EEFSEC: variants seen among roughly 807,000 people sequenced by gnomAD.
EEFSEC encodes eukaryotic elongation factor, selenocysteine-tRNA specific, also known as selenocysteine-specific elongation factor.
A neutral mutation model predicts 42.1 loss-of-function variants in EEFSEC; 43 were observed. The observed-to-expected ratio is 1.02, with a 90% CI of 0.80 to 1.32. EEFSEC has a LOEUF of 1.32. Ranked by LOEUF, EEFSEC falls within the 40% of genes most tolerant of loss-of-function variation. The probability of loss-of-function intolerance (pLI) is 0.00; values close to 1 mark genes in which losing one functional copy is unlikely to be tolerated. For synonymous variants in EEFSEC, 354 were observed against 339.1 expected (o/e 1.04, Z -0.48); for missense variants, 745 against 803.6 (o/e 0.93, Z 0.88).
At chr3:128,262,427 T>G (rs1253866858) in intron 3 of EEFSEC, among the ~76,000 whole-genome samples, 1 of 152,114 alleles carries the variant, frequency 6.6e-6, no homozygotes, top group African/African-American at 2.4e-5. Context: ...ACTCCTAAGG[T>G]TCACTGAAGC....
chr3:128,235,160 G>A (rs551024921), intron 1 of EEFSEC, among the ~76,000 whole-genome samples: 1 of 152,046 alleles, frequency 6.6e-6, no homozygotes, highest in South Asian at 2.1e-4. Context: ...TGCCTCCTTG[G>A]TTCAAGTGAT....
chr3:128,287,560 A>T (rs2066599346), intron 4 of EEFSEC, among the ~76,000 whole-genome samples: 1 of 152,230 alleles, frequency 6.6e-6, no homozygotes, highest in African/African-American at 2.4e-5. Flanking sequence ...TGAGGTGGTG[A>T]TGTGATGAGC....
intron 4 of EEFSEC, among the ~76,000 whole-genome samples, chr3:128,310,104 A>G (rs1037083389): frequency 4.6e-5 from 7 of 152,238 alleles, no homozygotes; most frequent in African/African-American, 1.7e-4. Flanking sequence ...TCAGGGAGAA[A>G]AGCAGGTGTC....
intron 1 of EEFSEC, among the ~76,000 whole-genome samples, chr3:128,232,087 C>G (rs552987578): frequency 5.3e-5 from 8 of 152,240 alleles, no homozygotes; most frequent in African/African-American, 1.9e-4. Flanking sequence ...CTCAAGGTGT[C>G]TGCCAAAATC....
At chr3:128,332,803 G>A (rs1014295311) in intron 4 of EEFSEC, among the ~76,000 whole-genome samples, 1 of 152,186 alleles carries the variant, frequency 6.6e-6, no homozygotes, top group Non-Finnish European at 1.5e-5. Context: ...CCCTAGGTTT[G>A]ACTTGTTGTG....
Position 128,396,657 on chromosome 3 carries a change from C to A in EEFSEC, c.1601-11412C>A, listed in dbSNP as rs540909545. Reference sequence around the variant, plus strand: ...GCTGTGAAGGGTTTGAGCTCAGGCCCACCACGTTCTTGCTGTGTTACCTTG... The same window carrying A: ...GCTGTGAAGGGTTTGAGCTCAGGCCAACCACGTTCTTGCTGTGTTACCTTG... On this transcript the variant is annotated intron_variant, in intron 6 of 6. Transcript: ENST00000254730. Among the ~76,000 whole-genome samples, 4 of 152,244 alleles carry A rather than the reference C, an allele frequency of 2.6e-5. No homozygotes were observed. The South Asian group carries it at 8.3e-4, about 32-fold the overall frequency.
At chr3:128,298,250 C>G (rs1246278510) in intron 4 of EEFSEC, among the ~76,000 whole-genome samples, 1 of 152,164 alleles carries the variant, frequency 6.6e-6, no homozygotes, top group Non-Finnish European at 1.5e-5. Context: ...CCAGCTCAAG[C>G]GATCTTCCTA....
intron 2 of EEFSEC, among the ~76,000 whole-genome samples, chr3:128,260,665 G>A (rs1177259557): frequency 6.6e-6 from 1 of 152,176 alleles, no homozygotes; most frequent in Non-Finnish European, 1.5e-5. Flanking sequence ...GCATGCTACT[G>A]GTTTTCACCA....
chr3:128,253,222 C>T (rs886418309), intron 2 of EEFSEC, among the ~76,000 whole-genome samples: 2 of 152,216 alleles, frequency 1.3e-5, no homozygotes, highest in Admixed American at 6.5e-5. Context: ...TGGAATTCCC[C>T]ATGCACGTTC....
intron 1 of EEFSEC, among the ~76,000 whole-genome samples, chr3:128,155,687 T>G (rs1474025844): frequency 1.3e-5 from 2 of 152,210 alleles, no homozygotes; most frequent in African/African-American, 4.8e-5. Context: ...GATAATTGGC[T>G]TGGTGGCAGA....
At chr3:128,185,005 A>G (rs927032705) in intron 1 of EEFSEC, among the ~76,000 whole-genome samples, 19 of 152,174 alleles carry the variant, frequency 1.2e-4, no homozygotes, top group African/African-American at 4.1e-4. Context: ...ACTGCACTCC[A>G]GCTTGGGTAA....
chr3:128,335,749 C>A (rs1240125417), intron 4 of EEFSEC, among the ~76,000 whole-genome samples: 2 of 152,016 alleles, frequency 1.3e-5, no homozygotes, highest in Non-Finnish European at 2.9e-5. Flanking sequence ...GGGGAGGGGG[C>A]AACAATCCAA....
chr3:128,185,142 T>C (rs1441897552), intron 1 of EEFSEC, among the ~76,000 whole-genome samples: 2 of 152,200 alleles, frequency 1.3e-5, no homozygotes, highest in East Asian at 1.9e-4. Flanking sequence ...CAAAACCCCA[T>C]CTGAACTGAC....
At chr3:128,158,395 A>G (rs1944415963) in intron 1 of EEFSEC, among the ~76,000 whole-genome samples, 1 of 152,258 alleles carries the variant, frequency 6.6e-6, no homozygotes, top group Non-Finnish European at 1.5e-5. Flanking sequence ...GTAAAATGCC[A>G]TCAAACAGCT....
chr3:128,383,413 C>T (rs572786882), intron 6 of EEFSEC, among the ~76,000 whole-genome samples: 19 of 152,238 alleles, frequency 1.2e-4, no homozygotes, highest in Non-Finnish European at 2.2e-4. Flanking sequence ...TTGTGCCAGC[C>T]GCTGTTCTAA....
intron 1 of EEFSEC, among the ~76,000 whole-genome samples, chr3:128,218,369 T>C (rs1474118595): frequency 6.6e-6 from 1 of 152,206 alleles, no homozygotes; most frequent in Non-Finnish European, 1.5e-5. Flanking sequence ...ATCAGCTCTA[T>C]ATCTTAAGTG....
chr3:128,338,011 C>G (rs1351851839), intron 4 of EEFSEC, among the ~76,000 whole-genome samples: 1 of 152,192 alleles, frequency 6.6e-6, no homozygotes, highest in East Asian at 1.9e-4. Flanking sequence ...GGAAACACCC[C>G]CAGTGCACAT....
chr3:128,296,614 A>C (rs2066708855), intron 4 of EEFSEC, among the ~76,000 whole-genome samples: 1 of 151,380 alleles, frequency 6.6e-6, no homozygotes, highest in South Asian at 2.1e-4. Flanking sequence ...CCATGTGGGC[A>C]CCTCAGGAGG....
downstream of EEFSEC, among the ~76,000 whole-genome samples, chr3:128,412,015 T>C (rs78822072): frequency 1.1e-4 from 16 of 152,340 alleles, no homozygotes; most frequent in East Asian, 3.1e-3. Flanking sequence ...GCGGTGTTTG[T>C]CAGTGTGTGT....
Sources: gnomAD v4.1 joint callset for allele counts (sites outside exome capture counted in the v4.1 genomes callset) on GRCh38, gnomAD v4.1.1 for gene constraint, MANE v1.5 for transcripts, NCBI Gene and HGNC (gene_info 2026-07-23, HGNC 2026-07-21) for gene names.